Variants in RBFOX1 observed in about 807,000 individuals in gnomAD.
The protein encoded by RBFOX1 is RNA binding fox-1 homolog 1.
RBFOX1 carries 8 observed loss-of-function variants against 57.7 expected under a neutral mutation model. That is an observed-to-expected ratio of 0.14 (90% CI 0.08 to 0.25). The LOEUF is 0.25. Ranked by LOEUF, RBFOX1 falls within the 10% of genes least tolerant of loss-of-function variation. The pLI is 1.00. For synonymous variants in RBFOX1, 326 were observed against 222.4 expected (o/e 1.47, Z -4.15); for missense variants, 611 against 548.5 (o/e 1.11, Z -1.14).
At chr16:5,998,627 C>T (rs924617091) in intron 4 of RBFOX1, among the ~76,000 whole-genome samples, 1 of 152,176 alleles carries the variant, frequency 6.6e-6, no homozygotes, top group African/African-American at 2.4e-5. Context: ...TGCAGAGCCA[C>T]CTCCCTCACC....
chr16:6,453,166 A>C (rs1013223801), intron 2 of RBFOX1, among the ~76,000 whole-genome samples: 19 of 152,030 alleles, frequency 1.2e-4, no homozygotes, highest in Middle Eastern at 3.4e-3. Flanking sequence ...AGAACGTGCA[A>C]GTTCGTTACA....
At chr16:7,210,476 C>T (rs2090912473) in intron 4 of RBFOX1, among the ~76,000 whole-genome samples, 1 of 152,142 alleles carries the variant, frequency 6.6e-6, no homozygotes, top group Non-Finnish European at 1.5e-5. Context: ...TACTTAAAGA[C>T]AATCAATGTT....
chr16:7,373,576 T>C (rs1398030423), intron 4 of RBFOX1, among the ~76,000 whole-genome samples: 3 of 152,054 alleles, frequency 2.0e-5, no homozygotes, highest in South Asian at 2.1e-4. Flanking sequence ...GCCTTTATCT[T>C]TAATAAGGTC....
At chr16:5,515,284 C>T (rs1014503981) in intron 2 of RBFOX1, among the ~76,000 whole-genome samples, 5 of 152,326 alleles carry the variant, frequency 3.3e-5, no homozygotes, top group African/African-American at 1.2e-4. Context: ...GTTTTTGGCA[C>T]CTTTTCCTGT....
chr16:7,444,235 T>C (rs948785249), intron 4 of RBFOX1, among the ~76,000 whole-genome samples: 1 of 152,236 alleles, frequency 6.6e-6, no homozygotes, highest in Admixed American at 6.5e-5. Context: ...TGTGTAGTTA[T>C]CTATGTTCTA....
At chr16:7,131,981 G>A (rs1016808398) in intron 4 of RBFOX1, among the ~76,000 whole-genome samples, 2 of 144,568 alleles carry the variant, frequency 1.4e-5, no homozygotes, top group African/African-American at 5.1e-5. Flanking sequence ...TTGATGACTA[G>A]AGTCCTTTTT....
At position 6,794,798 on chromosome 16, in the gene RBFOX1, G is replaced by C. The variant is rs533914905; in HGVS notation, c.-16+140148G>C. On this transcript the variant is annotated intron_variant, in intron 3 of 15. Coordinates refer to ENST00000550418, the MANE Select transcript of RBFOX1 (RefSeq NM_018723.4). ...TGTTTAATGTTTTCTTTCAGTAGCA[G>C]ATGGTACATGGATTTTTATTTGATG... Among the ~76,000 whole-genome samples, 35 of 152,244 alleles carry C rather than the reference G, an allele frequency of 2.3e-4. No individual in the cohort carries two copies. In the South Asian group the frequency reaches 5.2e-3, roughly 23 times the overall value.
intron 4 of RBFOX1, among the ~76,000 whole-genome samples, chr16:7,326,487 C>G (rs76416533): frequency 0.015 from 2,242 of 152,076 alleles, 61 homozygotes; most frequent in African/African-American, 0.052. Flanking sequence ...ACAGAGCTGC[C>G]ATGATGAGCA....
chr16:7,553,738 T>G (rs977299664), intron 5 of RBFOX1, among the ~76,000 whole-genome samples: 4 of 152,198 alleles, frequency 2.6e-5, no homozygotes, highest in Non-Finnish European at 5.9e-5. Context: ...GTTAGCTGAC[T>G]CAGTCCATAT....
At chr16:7,542,595 C>G (rs1323901013) in intron 5 of RBFOX1, among the ~76,000 whole-genome samples, 1 of 151,552 alleles carries the variant, frequency 6.6e-6, no homozygotes, top group South Asian at 2.1e-4. Flanking sequence ...TGGCTCACAC[C>G]TGTAATCCCA....
chr16:5,574,889 A>G lies in RBFOX1; in HGVS notation c.259-24013A>G, dbSNP rs905584453. Among the ~76,000 whole-genome samples, 5 of 152,120 alleles carry G rather than the reference A, an allele frequency of 3.3e-5. No individual in the cohort carries two copies. In the East Asian group the frequency reaches 9.6e-4, roughly 29 times the overall value. ...TCTATAACCCAGGTAAGTTATAGGGATGGTGGCCGCCCAGACACTGTGCTG... is the reference window on the plus strand; with the variant it reads ...TCTATAACCCAGGTAAGTTATAGGGGTGGTGGCCGCCCAGACACTGTGCTG... On this transcript the variant is annotated intron_variant, in intron 2 of 2. Coordinates refer to the RBFOX1 transcript ENST00000585867.
chr16:6,658,052 AT>A (rs1184010291), intron 3 of RBFOX1, among the ~76,000 whole-genome samples: 1 of 152,076 alleles, frequency 6.6e-6, no homozygotes, highest in Non-Finnish European at 1.5e-5. Flanking sequence ...TGATAGAAGA[AT>A]TTTAGAAAAG....
chr16:6,174,725 T>C (rs948422108), intron 1 of RBFOX1, among the ~76,000 whole-genome samples: 9 of 152,260 alleles, frequency 5.9e-5, no homozygotes, highest in Non-Finnish European at 1.0e-4. Flanking sequence ...TTGGATGTTC[T>C]GCACCTACGT....
At chr16:7,644,545 C>G (rs565296531) in intron 11 of RBFOX1, among the ~76,000 whole-genome samples, 53 of 152,312 alleles carry the variant, frequency 3.5e-4, no homozygotes, top group African/African-American at 1.1e-3. Flanking sequence ...CTTAGCAACT[C>G]TCACCCGTTT....
At chr16:6,859,981 T>G (rs1310100752) in intron 3 of RBFOX1, among the ~76,000 whole-genome samples, 1 of 152,152 alleles carries the variant, frequency 6.6e-6, no homozygotes, top group Non-Finnish European at 1.5e-5. Context: ...AGGAGTGGAA[T>G]TGGTTTTTGC....
chr16:7,606,118 ATT>A (rs34232105), intron 9 of RBFOX1, among the ~76,000 whole-genome samples: 8 of 114,578 alleles, frequency 7.0e-5, no homozygotes, highest in African/African-American at 2.0e-4. Flanking sequence ...ACCTGCATGG[ATT>A]TTTTTTTTTT....
chr16:7,456,177 C>A (rs1400395580), intron 4 of RBFOX1, among the ~76,000 whole-genome samples: 1 of 152,188 alleles, frequency 6.6e-6, no homozygotes, highest in Non-Finnish European at 1.5e-5. Flanking sequence ...GGGCAGGGCT[C>A]TGTGGAGGGT....
chr16:5,307,111 G>A (rs754730710), intron 1 of RBFOX1, among the ~76,000 whole-genome samples: 3 of 152,144 alleles, frequency 2.0e-5, no homozygotes, highest in Non-Finnish European at 4.4e-5. Context: ...CCACCAACCT[G>A]GCTGTTCCTG....
At chr16:5,331,416 G>A (rs932419759) in intron 1 of RBFOX1, among the ~76,000 whole-genome samples, 3 of 152,228 alleles carry the variant, frequency 2.0e-5, no homozygotes, top group Non-Finnish European at 4.4e-5. Flanking sequence ...ACTCATTCAT[G>A]TGTCTGGAGG....
Sources: allele counts gnomAD v4.1 joint callset (sites outside exome capture counted in the v4.1 genomes callset), GRCh38; gene constraint gnomAD v4.1.1; transcripts MANE v1.5; gene names NCBI Gene and HGNC (gene_info 2026-07-23, HGNC 2026-07-21).